RORA: variants seen among roughly 807,000 people sequenced by gnomAD.
RORA encodes nuclear receptor ROR-alpha.
A neutral mutation model predicts 69.5 loss-of-function variants in RORA; 7 were observed. The observed-to-expected ratio is 0.10, with a 90% CI of 0.06 to 0.19. The LOEUF (loss-of-function observed/expected upper bound fraction) is 0.19, where lower values mean the gene tolerates loss of function less well. RORA is among the 10% of genes least tolerant of loss of function. The pLI, the probability that RORA is intolerant of heterozygous loss-of-function variation, is 1.00. For synonymous variants in RORA, 261 were observed against 240.8 expected, an observed-to-expected ratio of 1.08 and a Z score of -0.78; for missense variants, 457 against 663.0, an observed-to-expected ratio of 0.69 and a Z score of 3.41.
At chr15:60,753,569 CTCTG>C (rs146341844) in intron 1 of RORA, among the ~76,000 whole-genome samples, 301 of 152,344 alleles carry the variant, frequency 2.0e-3, no homozygotes, top group Non-Finnish European at 3.5e-3. Flanking sequence ...GCGTAGGTAT[CTCTG>C]TCTATTTTAC....
At chr15:61,161,656 CA>C (rs67225733) in intron 1 of RORA, among the ~76,000 whole-genome samples, 6,348 of 150,512 alleles carry the variant, frequency 0.042, 451 homozygotes, top group African/African-American at 0.15. Flanking sequence ...AATAGAATCT[CA>C]AAAAAAAAGT....
At chr15:61,103,894 A>T (rs2078915508) in intron 1 of RORA, among the ~76,000 whole-genome samples, 1 of 152,150 alleles carries the variant, frequency 6.6e-6, no homozygotes, top group Non-Finnish European at 1.5e-5. Context: ...AAAGAGAACC[A>T]GCAACAAACT....
intron 2 of RORA, among the ~76,000 whole-genome samples, chr15:60,665,953 G>T (rs996179009): frequency 6.6e-6 from 1 of 152,166 alleles, no homozygotes; most frequent in Non-Finnish European, 1.5e-5. Flanking sequence ...AGGATTACAG[G>T]TGTGAGCCAC....
intron 2 of RORA, among the ~76,000 whole-genome samples, chr15:60,605,171 G>A (rs755240324): frequency 5.3e-5 from 8 of 151,866 alleles, no homozygotes; most frequent in Admixed American, 6.6e-5. Context: ...TTCTACACAC[G>A]ATATACTATG....
At chr15:61,164,411 T>C (rs2079523969) in intron 1 of RORA, among the ~76,000 whole-genome samples, 1 of 152,242 alleles carries the variant, frequency 6.6e-6, no homozygotes, top group Non-Finnish European at 1.5e-5. Context: ...TTGTTTTTCC[T>C]GAACAATCAG....
At chr15:60,703,693 G>A (rs1028418175) in intron 1 of RORA, among the ~76,000 whole-genome samples, 2 of 152,160 alleles carry the variant, frequency 1.3e-5, no homozygotes, top group African/African-American at 4.8e-5. Flanking sequence ...GAAGGTGCCA[G>A]CTCACATCAC....
intron 1 of RORA, among the ~76,000 whole-genome samples, chr15:61,005,883 A>G (rs549764771): frequency 6.6e-6 from 1 of 152,306 alleles, no homozygotes; most frequent in South Asian, 2.1e-4. Context: ...CCTCATGAAT[A>G]CAGATACTCT....
At chr15:60,694,992 AC>A (rs1478211306) in intron 1 of RORA, among the ~76,000 whole-genome samples, 3 of 151,910 alleles carry the variant, frequency 2.0e-5, no homozygotes, top group African/African-American at 4.8e-5. Flanking sequence ...CTTGCCATCT[AC>A]CCCCGGTTGA....
chr15:60,617,978 G>A (rs187809492), intron 2 of RORA, among the ~76,000 whole-genome samples: 1 of 152,300 alleles, frequency 6.6e-6, no homozygotes, highest in Non-Finnish European at 1.5e-5. Flanking sequence ...GCCAAACTCT[G>A]GTTCTTAAAA....
rs1488123768 is a variant in RORA at position 60,542,740 on chromosome 15, A to C, written c.197-10889T>G. 6.1e-3 allele frequency among the ~76,000 whole-genome samples: 835 copies of C among 137,938 alleles called. 51 individuals are homozygous for C. The highest frequency in any genetic ancestry group is 0.025 in the African/African-American group (791 of 32,070). The allele number at this position is 137,938 out of a possible 152,430, so 90.5% of individuals were successfully genotyped here. On this transcript the variant is annotated intron_variant, in intron 2 of 10. Transcript: ENST00000335670. ...ACACACGGCACACAGGCACACCTCA[A>C]ACGACACACGGGCACACCTCACACA...
At chr15:60,570,491 A>G (rs1300696733) in intron 2 of RORA, among the ~76,000 whole-genome samples, 1 of 151,848 alleles carries the variant, frequency 6.6e-6, no homozygotes, top group Admixed American at 6.6e-5. Flanking sequence ...CACCATACCC[A>G]GTTTATTATT....
intron 1 of RORA, among the ~76,000 whole-genome samples, chr15:61,020,721 G>T (rs1367782320): frequency 6.6e-6 from 1 of 152,108 alleles, no homozygotes; most frequent in African/African-American, 2.4e-5. Flanking sequence ...ATCCATCATT[G>T]AACTTGAAGC....
At chr15:60,516,813 C>CCTAA (rs2065975709) in intron 3 of RORA, among the ~76,000 whole-genome samples, 1 of 152,058 alleles carries the variant, frequency 6.6e-6, no homozygotes, top group South Asian at 2.1e-4. Flanking sequence ...GTAGAAAGAT[C>CCTAA]CTAACTGTCC....
chr15:61,082,827 G>T (rs896679546), intron 1 of RORA, among the ~76,000 whole-genome samples: 1 of 152,152 alleles, frequency 6.6e-6, no homozygotes, highest in Non-Finnish European at 1.5e-5. Context: ...TAAGAGAAGA[G>T]ATAAAATACG....
chr15:61,177,585 A>G (rs939137476), intron 1 of RORA, among the ~76,000 whole-genome samples: 1 of 152,122 alleles, frequency 6.6e-6, no homozygotes, highest in Non-Finnish European at 1.5e-5. Flanking sequence ...AGTGTTACAA[A>G]TCTGGCCAGG....
intron 1 of RORA, among the ~76,000 whole-genome samples, chr15:60,839,665 G>A (rs2073170561): frequency 6.6e-6 from 1 of 152,186 alleles, no homozygotes; most frequent in Admixed American, 6.5e-5. Flanking sequence ...ACTCCAGAGA[G>A]CACCATTGTA....
chr15:60,920,793 C>G (rs144075056), intron 1 of RORA, among the ~76,000 whole-genome samples: 1 of 152,146 alleles, frequency 6.6e-6, no homozygotes, highest in Non-Finnish European at 1.5e-5. Flanking sequence ...ATAGTTTAAA[C>G]AATTATGTTC....
At chr15:60,877,022 G>C (rs547282599) in intron 1 of RORA, among the ~76,000 whole-genome samples, 1 of 152,254 alleles carries the variant, frequency 6.6e-6, no homozygotes, top group African/African-American at 2.4e-5. Flanking sequence ...TAATACTTGG[G>C]TGATGAAATA....
At chr15:60,618,385 C>T (rs766620212) in intron 2 of RORA, among the ~76,000 whole-genome samples, 2 of 152,198 alleles carry the variant, frequency 1.3e-5, no homozygotes, top group Non-Finnish European at 2.9e-5. Flanking sequence ...GACACAGATC[C>T]CATACACGCA....
Sources: gnomAD v4.1 joint callset for allele counts (sites outside exome capture counted in the v4.1 genomes callset) on GRCh38, gnomAD v4.1.1 for gene constraint, MANE v1.5 for transcripts, NCBI Gene and HGNC (gene_info 2026-07-23, HGNC 2026-07-21) for gene names.